The following HPSE2 variants were observed in gnomAD, a reference collection of about 807,000 sequenced individuals.
HPSE2 encodes the protein heparanase 2 (inactive).
HPSE2 carries 38 observed loss-of-function variants against 60.5 expected under a neutral mutation model. The ratio of observed to expected loss-of-function variants is 0.63; its 90% CI spans 0.48 to 0.82. The LOEUF (loss-of-function observed/expected upper bound fraction) is 0.82, where lower values mean the gene tolerates loss of function less well. Ranked by LOEUF, HPSE2 falls within the 40% of genes least tolerant of loss-of-function variation. The pLI is 0.00. For missense variants in HPSE2, 713 were observed against 740.4 expected, an observed-to-expected ratio of 0.96 and a Z score of 0.43; for synonymous variants, 295 against 293.2, an observed-to-expected ratio of 1.01 and a Z score of -0.06.
chr10:98,574,271 A>G (rs538274841), intron 9 of HPSE2, among the ~76,000 whole-genome samples: 1 of 152,158 alleles, frequency 6.6e-6, no homozygotes, highest in East Asian at 1.9e-4. Context: ...TTACTGCAGC[A>G]TTAAAAAACG....
intron 11 of HPSE2, chr10:98,461,604 A>G (rs546130852): frequency 3.3e-5 from 19 of 579,380 alleles, no homozygotes; most frequent in African/African-American, 3.0e-4. Context: ...TTCAGGTGCT[A>G]TGAATATCTA....
At chr10:99,192,402 G>T (rs775601798) in intron 2 of HPSE2, among the ~76,000 whole-genome samples, 6 of 152,154 alleles carry the variant, frequency 3.9e-5, no homozygotes, top group Non-Finnish European at 8.8e-5. Flanking sequence ...TCTGGCAATG[G>T]ACTTCTCAGT....
chr10:98,897,310 A>C (rs1275085745), intron 3 of HPSE2, among the ~76,000 whole-genome samples: 1 of 152,202 alleles, frequency 6.6e-6, no homozygotes, highest in Non-Finnish European at 1.5e-5. Context: ...ACCAAAAACC[A>C]ACTGTTGCCC....
intron 7 of HPSE2, among the ~76,000 whole-genome samples, chr10:98,635,078 A>T (rs1331837841): frequency 6.6e-6 from 1 of 152,230 alleles, no homozygotes; most frequent in Non-Finnish European, 1.5e-5. Context: ...CATAAAGTCT[A>T]TGAAGACAAG....
chr10:98,656,791 C>T (rs1319683806), intron 6 of HPSE2, among the ~76,000 whole-genome samples: 12 of 131,170 alleles, frequency 9.1e-5, no homozygotes, highest in African/African-American at 2.1e-4. Flanking sequence ...GATGGAGTTT[C>T]GCTCCTGTTG....
chr10:98,574,959 A>G (rs1447074217), intron 9 of HPSE2, among the ~76,000 whole-genome samples: 1 of 152,130 alleles, frequency 6.6e-6, no homozygotes, highest in Non-Finnish European at 1.5e-5. Flanking sequence ...ATCTTGAAAC[A>G]AAAGGGGGAA....
the HPSE2 span, among the ~76,000 whole-genome samples, chr10:99,312,960 T>C: frequency 6.6e-6 from 1 of 152,182 alleles, no homozygotes; most frequent in Admixed American, 6.5e-5. Context: ...GTTCTCATGA[T>C]AGTCAGTGAA....
rs1388817718 is a variant in HPSE2, at chr10:98,958,694, G to A, written c.610+185544C>T. On this transcript the variant is annotated intron_variant, in intron 3 of 11. Transcript: ENST00000370552. ...ACTGAGCTGAACTCTAGTCAGATCTGCCTAACTAAACCCTGTGCTCTAACA... is the reference window on the plus strand; with the variant it reads ...ACTGAGCTGAACTCTAGTCAGATCTACCTAACTAAACCCTGTGCTCTAACA... Among the ~76,000 whole-genome samples the A allele has an allele frequency of 2.0e-5, 3 of 152,036 alleles. No homozygotes were observed. In the East Asian group the frequency reaches 5.8e-4, roughly 29 times the overall value.
At chr10:99,235,127 CAT>C (rs1849798184) in intron 1 of HPSE2, among the ~76,000 whole-genome samples, 1 of 151,466 alleles carries the variant, frequency 6.6e-6, no homozygotes. Context: ...CACACACACA[CAT>C]ACCCATTCCT....
intron 3 of HPSE2, among the ~76,000 whole-genome samples, chr10:98,837,372 G>C (rs1410788799): frequency 6.6e-6 from 1 of 152,144 alleles, no homozygotes; most frequent in Non-Finnish European, 1.5e-5. Flanking sequence ...ATATAAGGTA[G>C]AAAAATGACA....
intron 9 of HPSE2, among the ~76,000 whole-genome samples, chr10:98,597,751 A>G (rs1945282844): frequency 6.6e-6 from 1 of 151,380 alleles, no homozygotes; most frequent in Non-Finnish European, 1.5e-5. Context: ...TGAGGCAGGC[A>G]TTTGAGGTCA....
rs139898779 is a variant in HPSE2 at position 98,495,003 on chromosome 10, T to C, written c.1321-4807A>G. 5.9e-3 allele frequency among the ~76,000 whole-genome samples: 902 copies of C among 152,326 alleles called. 8 individuals are homozygous for C. Among genetic ancestry groups the C allele is most frequent in the Middle Eastern group, 0.02 (6 of 294 alleles). On this transcript the variant is annotated intron_variant, in intron 9 of 11. Transcript: ENST00000370552. ...CTTTATTTTTTCATACAACATTGAA[T>C]TACTGTCTAGTATACTTTCATTGCA... is the stretch of plus-strand genomic sequence containing the variant.
At chr10:99,313,089 G>C in the HPSE2 span, among the ~76,000 whole-genome samples, 1 of 152,194 alleles carries the variant, frequency 6.6e-6, no homozygotes, top group Non-Finnish European at 1.5e-5. Flanking sequence ...CCAGTATCGT[G>C]CTTCCTGTAA....
chr10:99,096,844 G>T (rs113004209), intron 3 of HPSE2, among the ~76,000 whole-genome samples: 5 of 152,244 alleles, frequency 3.3e-5, no homozygotes, highest in African/African-American at 1.2e-4. Flanking sequence ...GAGCAAAGGG[G>T]AATCCATAGA....
At chr10:98,646,315 CTTTT>C (rs1946767785) in intron 6 of HPSE2, among the ~76,000 whole-genome samples, 2 of 88,660 alleles carry the variant, frequency 2.3e-5, no homozygotes, top group African/African-American at 6.6e-5. Flanking sequence ...TTCTTTTTTT[CTTTT>C]TTCTTTTTTT....
intron 3 of HPSE2, among the ~76,000 whole-genome samples, chr10:98,852,649 T>G (rs1952209362): frequency 6.6e-6 from 1 of 152,224 alleles, no homozygotes; most frequent in African/African-American, 2.4e-5. Flanking sequence ...TTTTGTCCAA[T>G]TACATTTCTA....
intron 9 of HPSE2, among the ~76,000 whole-genome samples, chr10:98,532,969 TG>T (rs1238920436): frequency 6.6e-6 from 1 of 152,258 alleles, no homozygotes; most frequent in African/African-American, 2.4e-5. Flanking sequence ...ACAGATGCTC[TG>T]GGCTTACTTT....
chr10:98,574,227 A>G (rs571140265), intron 9 of HPSE2, among the ~76,000 whole-genome samples: 1 of 152,340 alleles, frequency 6.6e-6, no homozygotes, highest in South Asian at 2.1e-4. Flanking sequence ...TGACAAAAGG[A>G]GAGTTGCTAA....
intron 3 of HPSE2, among the ~76,000 whole-genome samples, chr10:99,098,615 C>A (rs763398583): frequency 1.3e-5 from 2 of 152,112 alleles, no homozygotes; most frequent in Non-Finnish European, 2.9e-5. Context: ...ATCATCTGTT[C>A]CATTTAGGTA....
Sources: gnomAD v4.1 joint callset for allele counts (sites outside exome capture counted in the v4.1 genomes callset) on GRCh38, gnomAD v4.1.1 for gene constraint, MANE v1.5 for transcripts, NCBI Gene and HGNC (gene_info 2026-07-23, HGNC 2026-07-21) for gene names.